Variants in MAD1L1 observed in about 807,000 individuals in gnomAD.
MAD1L1 encodes the protein mitotic arrest deficient 1 like 1.
In MAD1L1, 95 loss-of-function variants were observed where a neutral mutation model predicts 96.9. The observed-to-expected ratio is 0.98, with a 90% CI of 0.83 to 1.16. The LOEUF is 1.16. Ranked by LOEUF, MAD1L1 falls within the 50% of genes most tolerant of loss-of-function variation. The probability of loss-of-function intolerance (pLI) is 0.00; values close to 1 mark genes in which losing one functional copy is unlikely to be tolerated. For synonymous variants in MAD1L1, 473 were observed against 396.6 expected (o/e 1.19, Z -2.29); for missense variants, 1,007 against 954.4 (o/e 1.06, Z -0.73).
intron 18 of MAD1L1, chr7:1,847,843 G>C (rs1273892585): frequency 7.6e-6 from 3 of 393,756 alleles, no homozygotes; most frequent in Non-Finnish European, 1.6e-5. Context: ...TGTGTCAAGT[G>C]AGGCTCCCAC....
At chr7:2,028,708 C>CA in intron 12 of MAD1L1, among the ~76,000 whole-genome samples, 1 of 151,916 alleles carries the variant, frequency 6.6e-6, no homozygotes. Context: ...GTGGTTTTGC[C>CA]AAAAAGAGAT....
intron 18 of MAD1L1, among the ~76,000 whole-genome samples, chr7:1,851,883 C>T (rs552298973): frequency 1.7e-4 from 26 of 152,294 alleles, no homozygotes; most frequent in Admixed American, 7.8e-4. Context: ...ACAGCTGGTT[C>T]GCCTGGCTGC....
chr7:2,184,616 G>A (rs1373141947), intron 10 of MAD1L1, among the ~76,000 whole-genome samples: 1 of 152,206 alleles, frequency 6.6e-6, no homozygotes, highest in Non-Finnish European at 1.5e-5. Context: ...ATTAACCACA[G>A]CTATACTCAC....
Position 2,002,101 on chromosome 7 carries a change from C to A in MAD1L1, c.1380G>T (p.Leu460=). Reference sequence around the variant, plus strand: ...TTTGTTTCTGGCCTCCCAGCTCCTCCAGGGCCTGCGACAGCTGAGCCTGCA... The same window carrying A: ...TTTGTTTCTGGCCTCCCAGCTCCTCAAGGGCCTGCGACAGCTGAGCCTGCA... ...AEMEAQLSQA[L]EELGGQKQRA... is the part of the protein sequence containing the mutation. Residue 460 remains leucine (L), a synonymous_variant, in exon 14 of 19, where the codon CTG becomes CTT. Transcript: ENST00000265854. The A allele has an allele frequency of 6.2e-7, 1 of 1,613,280 alleles. No homozygotes were observed. Among genetic ancestry groups the A allele is most frequent in the Non-Finnish European group, 8.5e-7 (1 of 1,180,022 alleles).
chr7:1,882,023 G>C (rs1785711172), intron 18 of MAD1L1, among the ~76,000 whole-genome samples: 1 of 152,166 alleles, frequency 6.6e-6, no homozygotes, highest in African/African-American at 2.4e-5. Flanking sequence ...CTCTCTAAGG[G>C]ACCGAGAATC....
intron 18 of MAD1L1, among the ~76,000 whole-genome samples, chr7:1,875,194 G>A (rs1785318519): frequency 6.6e-6 from 1 of 152,224 alleles, no homozygotes; most frequent in South Asian, 2.1e-4. Flanking sequence ...TTCAGACTCA[G>A]CTGTTCCCAG....
chr7:1,975,248 C>G (rs971932479), intron 15 of MAD1L1, among the ~76,000 whole-genome samples: 2 of 152,230 alleles, frequency 1.3e-5, no homozygotes, highest in African/African-American at 2.4e-5. Flanking sequence ...ATGGGCTGGG[C>G]AGTCCATCAC....
intron 18 of MAD1L1, among the ~76,000 whole-genome samples, chr7:1,882,701 T>C (rs1412180388): frequency 6.6e-6 from 1 of 152,160 alleles, no homozygotes. Context: ...GGGCATGACA[T>C]GGGCTCCAGC....
chr7:1,910,154 C>G (rs1442217979), intron 17 of MAD1L1, among the ~76,000 whole-genome samples: 1 of 152,156 alleles, frequency 6.6e-6, no homozygotes, highest in Non-Finnish European at 1.5e-5. Context: ...ACCGAGAACA[C>G]AGCAGCTGAA....
chr7:1,946,428 C>T (rs1779231794), intron 16 of MAD1L1, among the ~76,000 whole-genome samples: 1 of 152,230 alleles, frequency 6.6e-6, no homozygotes, highest in South Asian at 2.1e-4. Flanking sequence ...TGACAGCTTC[C>T]AGGAAGAAAG....
intron 12 of MAD1L1, among the ~76,000 whole-genome samples, chr7:2,047,593 T>A (rs1297047899): frequency 6.6e-6 from 1 of 152,212 alleles, no homozygotes; most frequent in Non-Finnish European, 1.5e-5. Flanking sequence ...GGCTTAATGT[T>A]CCATGAGGGT....
intron 12 of MAD1L1, among the ~76,000 whole-genome samples, chr7:2,030,218 G>T (rs150758803): frequency 2.6e-5 from 4 of 152,256 alleles, no homozygotes; most frequent in Non-Finnish European, 5.9e-5. Context: ...TCCACGGAAG[G>T]TCCACACACA....
chr7:2,002,130 C>CA lies in MAD1L1; in HGVS notation c.1360-10dup. ...GCCTGCGACAGCTGAGCCTGCAAGA[C>CA]AAGACAGGATTCGGCCTGAGACTGT... On this transcript the variant is annotated splice_polypyrimidine_tract_variant and intron_variant, in intron 13 of 18. Coordinates refer to ENST00000265854, the MANE Select transcript of MAD1L1 (RefSeq NM_001013836.2). 1.2e-6 allele frequency: 2 copies of CA among 1,612,854 alleles called. No individual in the cohort carries two copies. Among genetic ancestry groups the CA allele is most frequent in the Non-Finnish European group, 1.7e-6 (2 of 1,179,960 alleles).
intron 11 of MAD1L1, among the ~76,000 whole-genome samples, chr7:2,141,250 G>A (rs3778999): frequency 0.28 from 42,801 of 152,224 alleles, 7,471 homozygotes; most frequent in East Asian, 0.52. Context: ...GCCCCACTGC[G>A]GAGGCCCCTC....
chr7:2,067,381 G>C (rs1784925711), intron 12 of MAD1L1, among the ~76,000 whole-genome samples: 1 of 152,138 alleles, frequency 6.6e-6, no homozygotes, highest in African/African-American at 2.4e-5. Flanking sequence ...CCCAGAGAAA[G>C]GCCCAGCTCC....
chr7:1,958,052 GC>G (rs1449752206), intron 15 of MAD1L1, among the ~76,000 whole-genome samples: 1 of 152,156 alleles, frequency 6.6e-6, no homozygotes, highest in Non-Finnish European at 1.5e-5. Context: ...GTGTCCGTCA[GC>G]CACTCCCAGA....
intron 11 of MAD1L1, among the ~76,000 whole-genome samples, chr7:2,126,249 C>T (rs925107562): frequency 3.9e-5 from 6 of 152,226 alleles, no homozygotes; most frequent in Admixed American, 6.5e-5. Flanking sequence ...GGCCCATGGA[C>T]GGGGGACGCC....
chr7:2,075,029 G>A (rs1003460159), intron 11 of MAD1L1, among the ~76,000 whole-genome samples: 1 of 152,228 alleles, frequency 6.6e-6, no homozygotes, highest in African/African-American at 2.4e-5. Context: ...GCCTCTGCAC[G>A]GGACGTGGAG....
At chr7:1,958,047 C>T (rs958857575) in intron 15 of MAD1L1, among the ~76,000 whole-genome samples, 3 of 152,180 alleles carry the variant, frequency 2.0e-5, no homozygotes, top group East Asian at 1.9e-4. Context: ...TGTCCGTGTC[C>T]GTCAGCCACT....
Sources: allele counts gnomAD v4.1 joint callset (sites outside exome capture counted in the v4.1 genomes callset), GRCh38; gene constraint gnomAD v4.1.1; transcripts MANE v1.5; gene names NCBI Gene and HGNC (gene_info 2026-07-23, HGNC 2026-07-21).